Variants in S100Z observed in about 807,000 individuals in gnomAD.
The protein encoded by S100Z is S100 calcium binding protein Z.
S100Z carries 11 observed loss-of-function variants against 8.5 expected under a neutral mutation model. That is an observed-to-expected ratio of 1.30 (90% confidence interval 0.82 to 2.15). The LOEUF is 2.15. Ranked by LOEUF, S100Z falls within the 30% of genes most tolerant of loss-of-function variation. The pLI, the probability that S100Z is intolerant of heterozygous loss-of-function variation, is 0.00. For missense variants in S100Z, 126 were observed against 117.9 expected (o/e 1.07, Z -0.32); for synonymous variants, 34 against 43.8 (o/e 0.78, Z 0.89).
At chr5:76,915,580 C>T (rs1266421225) in intron 4 of S100Z, among the ~76,000 whole-genome samples, 2 of 151,902 alleles carry the variant, frequency 1.3e-5, no homozygotes, top group Middle Eastern at 3.2e-3. Context: ...TGCACTCCAG[C>T]CTGGGCAACA....
intron 4 of S100Z, among the ~76,000 whole-genome samples, chr5:76,905,367 C>T (rs1239521641): frequency 6.6e-6 from 1 of 151,774 alleles, no homozygotes; most frequent in East Asian, 1.9e-4. Context: ...CAATTTTAGG[C>T]TCCACATTTA....
intron 4 of S100Z, among the ~76,000 whole-genome samples, chr5:76,901,086 C>A (rs1234309999): frequency 6.6e-6 from 1 of 152,234 alleles, no homozygotes; most frequent in Non-Finnish European, 1.5e-5. Context: ...CAGAGTCTCT[C>A]TCTCTCTGTT....
chr5:76,863,080 G>A (rs1009608299), intron 1 of S100Z, among the ~76,000 whole-genome samples: 1 of 152,218 alleles, frequency 6.6e-6, no homozygotes, highest in African/African-American at 2.4e-5. Flanking sequence ...TTAAAGAAGA[G>A]AGAACACTTT....
At chr5:76,939,942 G>A in the S100Z span, among the ~76,000 whole-genome samples, 3 of 151,816 alleles carry the variant, frequency 2.0e-5, no homozygotes, top group African/African-American at 7.3e-5. Flanking sequence ...GGCGGATCAC[G>A]AGGTCAAGAG....
the S100Z span, among the ~76,000 whole-genome samples, chr5:76,942,280 T>C: frequency 1.1e-4 from 16 of 151,876 alleles, no homozygotes; most frequent in African/African-American, 3.6e-4. Context: ...CCTGGCTAAT[T>C]TTTGTATTTT....
chr5:76,886,485 CTGAGG>C (rs1423331670), intron 4 of S100Z, among the ~76,000 whole-genome samples: 1 of 152,136 alleles, frequency 6.6e-6, no homozygotes, highest in Non-Finnish European at 1.5e-5. Context: ...GCTGGTTGGT[CTGAGG>C]ACCCGAGGTC....
intron 4 of S100Z, among the ~76,000 whole-genome samples, chr5:76,904,368 C>G (rs1744348826): frequency 6.6e-6 from 1 of 152,086 alleles, no homozygotes; most frequent in African/African-American, 2.4e-5. Context: ...CAACCTCTGC[C>G]TCCTGGGTTC....
At chr5:76,936,001 T>C in the S100Z span, among the ~76,000 whole-genome samples, 3,957 of 152,280 alleles carry the variant, frequency 0.026, 160 homozygotes, top group African/African-American at 0.089. Flanking sequence ...GGTCTTGAAC[T>C]CCTGATCTCA....
chr5:76,922,999 C>G (rs542572401), downstream of S100Z, among the ~76,000 whole-genome samples: 2 of 145,086 alleles, frequency 1.4e-5, no homozygotes, highest in African/African-American at 5.2e-5. Context: ...CCCTTTGCCC[C>G]TACAATGCCT....
the S100Z span, among the ~76,000 whole-genome samples, chr5:76,951,025 ATT>A: frequency 6.8e-6 from 1 of 147,206 alleles, no homozygotes; most frequent in African/African-American, 2.5e-5. Flanking sequence ...ATTACCATTA[ATT>A]TTTTTTTTTT....
At chr5:76,903,870 G>T (rs374900543) in intron 4 of S100Z, among the ~76,000 whole-genome samples, 2 of 151,404 alleles carry the variant, frequency 1.3e-5, no homozygotes, top group African/African-American at 2.4e-5. Context: ...GATTACAGGC[G>T]CCCGCCACCA....
intron 3 of S100Z, 60 bp from the exon 4 acceptor site, chr5:76,877,614 T>C (rs1019539461): frequency 2.0e-6 from 2 of 985,980 alleles, no homozygotes; most frequent in Admixed American, 2.2e-5. Context: ...GGAAGATGAA[T>C]TTCAATTGTC....
At chr5:76,928,184 C>T in the S100Z span, among the ~76,000 whole-genome samples, 1 of 152,074 alleles carries the variant, frequency 6.6e-6, no homozygotes, top group Non-Finnish European at 1.5e-5. Context: ...ACAATGGAGA[C>T]CTTTATAAAT....
intron 1 of S100Z, among the ~76,000 whole-genome samples, chr5:76,854,309 G>C (rs2096375780): frequency 6.6e-6 from 1 of 152,198 alleles, no homozygotes; most frequent in Admixed American, 6.5e-5. Context: ...ACAGAAAGAT[G>C]AGGGAAAGTT....
the S100Z span, among the ~76,000 whole-genome samples, chr5:76,935,296 T>C: frequency 6.6e-6 from 1 of 152,214 alleles, no homozygotes; most frequent in African/African-American, 2.4e-5. Flanking sequence ...CATAATCGAT[T>C]TAACACATGG....
At chr5:76,939,887 C>T in the S100Z span, among the ~76,000 whole-genome samples, 7 of 151,858 alleles carry the variant, frequency 4.6e-5, no homozygotes, top group Admixed American at 1.3e-4. Context: ...GGGCCAGGCG[C>T]GGTGGCTCAC....
At chr5:76,886,158 AG>A (rs1743621402) in intron 4 of S100Z, among the ~76,000 whole-genome samples, 1 of 152,194 alleles carries the variant, frequency 6.6e-6, no homozygotes, top group Non-Finnish European at 1.5e-5. Flanking sequence ...TGAAGGACCA[AG>A]GCAGGTGTCC....
At chr5:76,931,614 G>T in the S100Z span, among the ~76,000 whole-genome samples, 1 of 152,226 alleles carries the variant, frequency 6.6e-6, no homozygotes, top group African/African-American at 2.4e-5. Flanking sequence ...CAGCCCCGTA[G>T]CGTGGTTGAA....
chr5:76,873,049 G>A (rs1011793046), intron 2 of S100Z, among the ~76,000 whole-genome samples: 6 of 152,058 alleles, frequency 3.9e-5, no homozygotes, highest in African/African-American at 1.4e-4. Context: ...AGGTGCTATG[G>A]TCATCCCCAT....
Sources: allele counts gnomAD v4.1 joint callset (sites outside exome capture counted in the v4.1 genomes callset), GRCh38; gene constraint gnomAD v4.1.1; transcripts MANE v1.5; gene names NCBI Gene and HGNC (gene_info 2026-07-23, HGNC 2026-07-21).